Variants in BICDL1 observed in about 807,000 individuals in gnomAD.
The protein encoded by BICDL1 is BICD family like cargo adaptor 1, also known as BICD family-like cargo adapter 1.
BICDL1 carries 20 observed loss-of-function variants against 76.8 expected under a neutral mutation model. The observed-to-expected ratio is 0.26, with a 90% CI of 0.18 to 0.38. BICDL1 has a LOEUF of 0.38. Ranked by LOEUF, BICDL1 falls within the 10% of genes least tolerant of loss-of-function variation. The probability of loss-of-function intolerance (pLI) is 1.00; values close to 1 mark genes in which losing one functional copy is unlikely to be tolerated. For synonymous variants in BICDL1, 383 were observed against 337.1 expected, an observed-to-expected ratio of 1.14 and a Z score of -1.49; for missense variants, 700 against 798.6, an observed-to-expected ratio of 0.88 and a Z score of 1.49.
At chr12:120,043,703 G>A (rs1302726149) in intron 2 of BICDL1, among the ~76,000 whole-genome samples, 1 of 152,170 alleles carries the variant, frequency 6.6e-6, no homozygotes. Flanking sequence ...TGCTAAAGGG[G>A]CACTTGTGGG....
At chr12:120,088,021 C>G (rs939029163) in intron 8 of BICDL1, among the ~76,000 whole-genome samples, 2 of 152,134 alleles carry the variant, frequency 1.3e-5, no homozygotes, top group Admixed American at 6.5e-5. Context: ...CCTCCGCCTC[C>G]TGGATTCAAG....
intron 2 of BICDL1, chr12:119,999,980 C>G (rs1448320013): frequency 4.4e-6 from 1 of 226,862 alleles, no homozygotes; most frequent in Non-Finnish European, 9.0e-6. Flanking sequence ...ATTCCTGGAT[C>G]TTCCACTAAT....
chr12:120,001,733 C>T (rs1951763506), intron 2 of BICDL1, among the ~76,000 whole-genome samples: 1 of 152,066 alleles, frequency 6.6e-6, no homozygotes, highest in Non-Finnish European at 1.5e-5. Context: ...AATTCACATA[C>T]CATAACATTT....
chr12:120,092,940 GC>G, intron 9 of BICDL1, 59 bp from the exon 10 acceptor site: 1 of 1,493,478 alleles, frequency 6.7e-7, no homozygotes, highest in Non-Finnish European at 8.9e-7. Context: ...TCCCTGTCCA[GC>G]CCCAGGGTTA....
intron 2 of BICDL1, among the ~76,000 whole-genome samples, chr12:120,024,098 G>A (rs149845804): frequency 0.021 from 3,158 of 152,100 alleles, 120 homozygotes; most frequent in African/African-American, 0.073. Flanking sequence ...TGGACAACAT[G>A]GTGAAACCCT....
chr12:120,065,518 C>T (rs6490282), intron 4 of BICDL1, among the ~76,000 whole-genome samples: 8,440 of 152,226 alleles, frequency 0.055, 468 homozygotes, highest in African/African-American at 0.14. Flanking sequence ...GAAACAACTC[C>T]CAAAACAAAA....
At chr12:120,084,655 G>A (rs1008173186) in intron 8 of BICDL1, among the ~76,000 whole-genome samples, 13 of 152,072 alleles carry the variant, frequency 8.5e-5, no homozygotes, top group Non-Finnish European at 1.8e-4. Flanking sequence ...ATGAGAGGCC[G>A]AGGCAGGCAG....
rs1953111567 is a variant in BICDL1, at chr12:120,061,831, G to A, written c.762+5G>A. The A allele has an allele frequency of 6.2e-7, 1 of 1,605,108 alleles. No homozygotes were observed. Among genetic ancestry groups the A allele is most frequent in the Non-Finnish European group, 8.5e-7 (1 of 1,171,992 alleles). On this transcript the variant is annotated splice_donor_5th_base_variant and intron_variant, in intron 3 of 9. Transcript: ENST00000548673. ...CTGGAGAGCCTTCAGGCCGAGGTGA[G>A]CCTCCCGACACAGCAGTGCTGGAAG...
intron 1 of BICDL1, among the ~76,000 whole-genome samples, chr12:119,994,892 TATA>T (rs1555279350): frequency 6.6e-6 from 1 of 152,184 alleles, no homozygotes; most frequent in Non-Finnish European, 1.5e-5. Context: ...ATTAACATCT[TATA>T]ATAGTATGGT....
At chr12:120,029,239 C>T (rs1415284257) in intron 2 of BICDL1, among the ~76,000 whole-genome samples, 2 of 152,124 alleles carry the variant, frequency 1.3e-5, no homozygotes, top group African/African-American at 4.8e-5. Context: ...TACTATGCAA[C>T]CCCAGGGCGG....
At chr12:120,047,064 T>A (rs1319241574) in intron 2 of BICDL1, among the ~76,000 whole-genome samples, 1 of 152,226 alleles carries the variant, frequency 6.6e-6, no homozygotes, top group African/African-American at 2.4e-5. Context: ...ACCGAAAGGA[T>A]AATAACAAAA....
intron 2 of BICDL1, among the ~76,000 whole-genome samples, chr12:120,047,517 C>G (rs554330766): frequency 3.3e-5 from 5 of 152,264 alleles, no homozygotes; most frequent in South Asian, 4.1e-4. Flanking sequence ...TTTCAACTCT[C>G]AAACTGCATG....
At chr12:119,998,274 T>C (rs1951692168) in intron 1 of BICDL1, among the ~76,000 whole-genome samples, 1 of 152,202 alleles carries the variant, frequency 6.6e-6, no homozygotes, top group Non-Finnish European at 1.5e-5. Flanking sequence ...TGCCTAAGGA[T>C]AAGAATAAAC....
chr12:119,990,368 A>G (rs759764295), intron 1 of BICDL1, 71 bp downstream of exon 1: 1 of 1,524,978 alleles, frequency 6.6e-7, no homozygotes, highest in Non-Finnish European at 8.8e-7. Flanking sequence ...CTGGGCAGTT[A>G]GGGAACCACT....
At position 119,990,163 on chromosome 12, in the gene BICDL1, C is replaced by T; in HGVS notation, c.295C>T (p.Leu99=). 1.3e-6 allele frequency: 2 copies of T among 1,552,334 alleles called. No individual in the cohort carries two copies. The highest frequency in any genetic ancestry group is 8.7e-7 in the Non-Finnish European group (1 of 1,148,052). Residue 99 remains leucine (L), a synonymous_variant, in exon 1 of 10, where the codon CTG becomes TTG. Transcript: ENST00000548673. ...PQPPPSQDPE[L]LSVIRQKEKD... The stretch of plus-strand genomic sequence containing the variant: ...GCCGCCGCCCTCCCAGGACCCCGAG[C>T]TGCTGTCGGTGATCCGACAGAAGGA...
intron 1 of BICDL1, chr12:119,993,396 G>A (rs1332263330): frequency 6.6e-6 from 1 of 152,146 alleles, no homozygotes; most frequent in Non-Finnish European, 1.5e-5. Flanking sequence ...AAACATTAAA[G>A]TACTTGATGC....
At chr12:120,006,307 A>T (rs1056457704) in intron 2 of BICDL1, among the ~76,000 whole-genome samples, 28 of 152,296 alleles carry the variant, frequency 1.8e-4, no homozygotes, top group African/African-American at 6.5e-4. Context: ...TTATGTATTT[A>T]TCTTTATATA....
chr12:120,057,222 C>T, intron 2 of BICDL1: 1 of 443,868 alleles, frequency 2.3e-6, no homozygotes, highest in Admixed American at 2.4e-5. Flanking sequence ...ACCATATTGT[C>T]CAGGCTGGTC....
At chr12:120,010,812 G>A (rs1017818789) in intron 2 of BICDL1, among the ~76,000 whole-genome samples, 6 of 152,148 alleles carry the variant, frequency 3.9e-5, no homozygotes, top group African/African-American at 9.7e-5. Flanking sequence ...GCAGAGCCCC[G>A]GGGAAGTTAA....
Sources: gnomAD v4.1 joint callset for allele counts (sites outside exome capture counted in the v4.1 genomes callset) on GRCh38, gnomAD v4.1.1 for gene constraint, MANE v1.5 for transcripts, NCBI Gene and HGNC (gene_info 2026-07-23, HGNC 2026-07-21) for gene names.